Variants in RHOU observed in about 807,000 individuals in gnomAD.
RHOU encodes rho-related GTP-binding protein RhoU.
A neutral mutation model predicts 12.6 loss-of-function variants in RHOU; 8 were observed. That is an observed-to-expected ratio of 0.64 (90% confidence interval 0.37 to 1.15). The LOEUF is 1.15. Among genes scored for constraint, RHOU ranks in the 50% most tolerant of loss-of-function variants. The pLI is 0.01. For synonymous variants in RHOU, 161 were observed against 147.4 expected, an observed-to-expected ratio of 1.09 and a Z score of -0.67; for missense variants, 258 against 347.0, an observed-to-expected ratio of 0.74 and a Z score of 2.04.
chr1:228,707,255 AGTG>A, the RHOU span, among the ~76,000 whole-genome samples: 68 of 40,678 alleles, frequency 1.7e-3, 1 homozygote, highest in Non-Finnish European at 2.0e-3. Context: ...ATATATATAT[AGTG>A]TGTGTGTGTG....
the RHOU span, among the ~76,000 whole-genome samples, chr1:228,700,193 T>G: frequency 1.3e-5 from 2 of 152,228 alleles, no homozygotes; most frequent in Non-Finnish European, 2.9e-5. Context: ...TTCTCTAATT[T>G]AGGTGCAAAG....
the RHOU span, among the ~76,000 whole-genome samples, chr1:228,664,780 C>T: frequency 1.3e-5 from 2 of 152,102 alleles, no homozygotes; most frequent in East Asian, 3.9e-4. Flanking sequence ...TTTACAGGCG[C>T]CTGCCACCAT....
At chr1:228,693,303 T>G in the RHOU span, among the ~76,000 whole-genome samples, 4 of 152,328 alleles carry the variant, frequency 2.6e-5, no homozygotes, top group Admixed American at 6.5e-5. Context: ...CTACGTGCCC[T>G]CACAATAGGT....
At chr1:228,676,872 G>A in the RHOU span, among the ~76,000 whole-genome samples, 3 of 152,204 alleles carry the variant, frequency 2.0e-5, no homozygotes, top group Non-Finnish European at 4.4e-5. Context: ...ATGGTGGAAT[G>A]TTATCAGTTA....
the RHOU span, among the ~76,000 whole-genome samples, chr1:228,690,053 G>A: frequency 1.3e-5 from 2 of 152,188 alleles, no homozygotes; most frequent in East Asian, 1.9e-4. Context: ...GTTTCAATGT[G>A]TCCTTTCCCC....
the RHOU span, among the ~76,000 whole-genome samples, chr1:228,710,611 C>T: frequency 1.3e-5 from 2 of 150,748 alleles, no homozygotes; most frequent in African/African-American, 2.4e-5. Context: ...AATTCAACAA[C>T]CCTTCATGCT....
At chr1:228,674,346 C>CTTTTTTT in the RHOU span, among the ~76,000 whole-genome samples, 2 of 135,970 alleles carry the variant, frequency 1.5e-5, no homozygotes, top group African/African-American at 5.5e-5. Context: ...TGTTTAGTAC[C>CTTTTTTT]TTTTTTTTTT....
At chr1:228,691,143 T>G in the RHOU span, among the ~76,000 whole-genome samples, 2 of 152,098 alleles carry the variant, frequency 1.3e-5, no homozygotes, top group Non-Finnish European at 2.9e-5. Flanking sequence ...CCCAGAAAAT[T>G]GAACAGAAAA....
chr1:228,683,449 A>G, the RHOU span, among the ~76,000 whole-genome samples: 3 of 152,222 alleles, frequency 2.0e-5, no homozygotes, highest in Non-Finnish European at 4.4e-5. Flanking sequence ...GAGATTTTAC[A>G]TATGATATAT....
chr1:228,659,305 G>T, the RHOU span, among the ~76,000 whole-genome samples: 1 of 150,538 alleles, frequency 6.6e-6, no homozygotes, highest in Non-Finnish European at 1.5e-5. Context: ...TTAAACCCGG[G>T]AGGCAGAGGT....
rs768153648 is a variant in RHOU, at chr1:228,743,536, C to T, written c.573C>T (p.Cys191=). ...KPVPEEAAKL[C]AEEIKAASYI... ...TGCCTGAAGAGGCGGCTAAGCTGTG[C>T]GCCGAGGAAATCAAAGCCGCCTCCT... Residue 191 remains cysteine (C), a synonymous_variant, in exon 3 of 3, where the codon TGC becomes TGT. Transcript: ENST00000366691. This position sits in a 1 kb window ranked among gnomAD's most constrained non-coding sequence, Gnocchi z 5.1. 34 of 1,614,018 alleles carry T rather than the reference C, an allele frequency of 2.1e-5. No homozygotes were observed. Among genetic ancestry groups the T allele is most frequent in the Admixed American group, 3.3e-5 (2 of 60,008 alleles).
chr1:228,686,064 G>C, the RHOU span, among the ~76,000 whole-genome samples: 31 of 152,250 alleles, frequency 2.0e-4, no homozygotes, highest in African/African-American at 7.2e-4. Context: ...TCAGACTTTT[G>C]TATTAGTCCA....
the RHOU span, among the ~76,000 whole-genome samples, chr1:228,706,159 G>C: frequency 6.6e-6 from 1 of 152,230 alleles, no homozygotes; most frequent in Admixed American, 6.5e-5. Context: ...TGCTGTGAGA[G>C]AGCAATGGAT....
At chr1:228,703,419 G>A in the RHOU span, among the ~76,000 whole-genome samples, 2 of 151,882 alleles carry the variant, frequency 1.3e-5, no homozygotes, top group Non-Finnish European at 1.5e-5. Flanking sequence ...CCAGCTACTC[G>A]GGAGGCTGAG....
chr1:228,702,244 C>A, the RHOU span, among the ~76,000 whole-genome samples: 30 of 152,050 alleles, frequency 2.0e-4, no homozygotes, highest in African/African-American at 7.0e-4. Context: ...TACTATGATA[C>A]AAGTACCCTT....
At chr1:228,715,152 T>C in the RHOU span, among the ~76,000 whole-genome samples, 1 of 152,084 alleles carries the variant, frequency 6.6e-6, no homozygotes, top group Non-Finnish European at 1.5e-5. Context: ...TGTTGTGTTT[T>C]CTTTCTTTTT....
At chr1:228,648,272 C>T in the RHOU span, among the ~76,000 whole-genome samples, 4 of 152,256 alleles carry the variant, frequency 2.6e-5, no homozygotes, top group African/African-American at 7.2e-5. Flanking sequence ...CGCTGGACCT[C>T]CGCGGCGCCA....
chr1:228,648,271 T>C, the RHOU span, among the ~76,000 whole-genome samples: 1 of 152,202 alleles, frequency 6.6e-6, no homozygotes, highest in African/African-American at 2.4e-5. Context: ...TCGCTGGACC[T>C]CCGCGGCGCC....
At chr1:228,712,981 C>T in the RHOU span, among the ~76,000 whole-genome samples, 14 of 151,422 alleles carry the variant, frequency 9.2e-5, no homozygotes, top group South Asian at 2.1e-4. Context: ...ATAAAGGTAT[C>T]GATTAATTTC....
Sources: allele counts gnomAD v4.1 joint callset (sites outside exome capture counted in the v4.1 genomes callset), GRCh38; gene constraint gnomAD v4.1.1; non-coding constraint Gnocchi (gnomAD v3.1); transcripts MANE v1.5; gene names NCBI Gene and HGNC (gene_info 2026-07-23, HGNC 2026-07-21).